The following CYLC1 variants were observed in gnomAD, a reference collection of about 807,000 sequenced individuals.
The protein encoded by CYLC1 is cylicin 1, also known as cylicin-1.
Under a neutral mutation model 31.6 loss-of-function variants are expected in CYLC1, and 2 were observed. The ratio of observed to expected loss-of-function variants is 0.06; its 90% CI spans 0.03 to 0.20. The LOEUF (loss-of-function observed/expected upper bound fraction) is 0.20, where lower values mean the gene tolerates loss of function less well. CYLC1 is among the 10% of genes least tolerant of loss of function. The pLI is 1.00. For synonymous variants in CYLC1, 185 were observed against 153.0 expected (o/e 1.21, Z -1.54); for missense variants, 595 against 424.1 (o/e 1.40, Z -3.54).
In CYLC1 at chrX:83,874,100, G is replaced by T; in HGVS notation, c.1392G>T (p.Gly464=). 1 of 1,202,905 alleles carries T rather than the reference G, an allele frequency of 8.3e-7. No homozygotes were observed. Among genetic ancestry groups the T allele is most frequent in the East Asian group, 3.0e-5 (1 of 33,658 alleles). Reference sequence around the variant, plus strand: ...AGGGTAAAAAGGATGAAAAGAAGGGGAAGAAAGATTCAAAGAAAGATGACA... The same window carrying T: ...AGGGTAAAAAGGATGAAAAGAAGGGTAAGAAAGATTCAAAGAAAGATGACA... The part of the protein sequence containing the change: ...SKKGKKDEKK[G]KKDSKKDDKK... Residue 464 remains glycine (G), a synonymous_variant, in exon 4 of 5, where the codon GGG becomes GGT. Coordinates refer to ENST00000329312, the MANE Select transcript of CYLC1 (RefSeq NM_021118.3).
intron 4 of CYLC1, among the ~76,000 whole-genome samples, chrX:83,883,529 CTTTTG>C (rs2031941044): frequency 9.0e-6 from 1 of 111,680 alleles, no homozygotes; most frequent in Non-Finnish European, 1.9e-5. Context: ...ATTCTAGCAG[CTTTTG>C]TTTTAGTTGT....
In CYLC1 at chrX:83,873,892, A is replaced by G. The variant is rs763265837; in HGVS notation, c.1184A>G (p.Asp395Gly). 6 of 1,196,009 alleles carry G rather than the reference A, an allele frequency of 5.0e-6. No homozygotes were observed. The highest frequency in any genetic ancestry group is 1.8e-5 in the African/African-American group (1 of 56,369). The stretch of plus-strand genomic sequence containing the variant: ...TTGAAGAAAGCTTCAAAGAATGATG[A>G]CAAGAAAAAGGATGCAAAGAAAATT... ...RNLKKASKND[D>G]KKKDAKKITF... is the part of the protein sequence containing the mutation. Residue 395 changes from aspartate (D) to glycine (G), a missense_variant, in exon 4 of 5, where the codon GAC becomes GGC. Transcript: ENST00000329312.
At chrX:83,870,414 G>A (rs978368367) in intron 2 of CYLC1, among the ~76,000 whole-genome samples, 1 of 111,408 alleles carries the variant, frequency 9.0e-6, no homozygotes, top group Non-Finnish European at 1.9e-5. Context: ...GTGATTAAGA[G>A]CATGGGCTCT....
At chrX:83,883,143 G>A (rs1358871350) in intron 4 of CYLC1, among the ~76,000 whole-genome samples, 2 of 110,875 alleles carry the variant, frequency 1.8e-5, no homozygotes, top group Non-Finnish European at 3.8e-5. Flanking sequence ...TTCTTCTCCA[G>A]TTGTCTTCTT....
intron 4 of CYLC1, among the ~76,000 whole-genome samples, chrX:83,875,926 T>C (rs979885254): frequency 2.7e-5 from 3 of 110,214 alleles, no homozygotes; most frequent in Admixed American, 2.0e-4. Context: ...TACAGCTAGT[T>C]CTTGACCCTA....
intron 4 of CYLC1, among the ~76,000 whole-genome samples, chrX:83,882,624 T>A (rs930152999): frequency 1.8e-5 from 2 of 111,042 alleles, no homozygotes; most frequent in Non-Finnish European, 3.8e-5. Context: ...TTTCCATATC[T>A]TCAATTCTTA....
At chrX:83,881,799 C>T (rs952542520) in intron 4 of CYLC1, among the ~76,000 whole-genome samples, 3 of 105,611 alleles carry the variant, frequency 2.8e-5, no homozygotes, top group Admixed American at 1.0e-4. Flanking sequence ...CAGTTTCAAG[C>T]GATTCTCCTG....
intron 4 of CYLC1, among the ~76,000 whole-genome samples, chrX:83,878,431 AT>A: frequency 1.6e-5 from 1 of 61,828 alleles, no homozygotes. Flanking sequence ...AAATATATAT[AT>A]AAATATATAT....
At position 83,868,747 on chromosome X, in the gene CYLC1, A is replaced by G. The variant is rs1362898839; in HGVS notation, c.18-1118A>G. Among the ~76,000 whole-genome samples, 4 of 111,240 alleles carry G rather than the reference A, an allele frequency of 3.6e-5. No homozygotes were observed. The Admixed American group carries it at 3.8e-4, about 11-fold the overall frequency. On this transcript the variant is annotated intron_variant, in intron 1 of 4. Transcript: ENST00000329312. ...TGCTTTCTATTCCACATAATTAGTT[A>G]TGTTTCTTTGTATCTATATTCCATT...
Position 83,872,936 on chromosome X carries a change from G to T in CYLC1, c.228G>T (p.Trp76Cys), listed in dbSNP as rs1317838486. The change falls in exon 4 of 5, where the codon TGG becomes TGT. Residue 76 changes from tryptophan to cysteine, a missense_variant. Transcript: ENST00000329312. ...AAGGCCAGAAACCAGCTCATAAATG[G>T]ATAAGGCATTCTTTCAGAAAAATTT... ...LEEGQKPAHK[W>C]IRHSFRKILQ... 2.1e-5 allele frequency: 25 copies of T among 1,194,446 alleles called. No individual in the cohort carries two copies. The highest frequency in any genetic ancestry group is 2.7e-5 in the Non-Finnish European group (24 of 889,825).
At chrX:83,870,869 G>T (rs1434336714) in intron 2 of CYLC1, among the ~76,000 whole-genome samples, 1 of 110,435 alleles carries the variant, frequency 9.1e-6, no homozygotes, top group African/African-American at 3.3e-5. Flanking sequence ...TATGTATATG[G>T]CCTTCTTTAA....
intron 4 of CYLC1, 105 bp from the exon 5 acceptor site, chrX:83,886,447 T>C (rs757866532): frequency 1.9e-5 from 14 of 741,975 alleles, no homozygotes; most frequent in Non-Finnish European, 2.8e-5. Flanking sequence ...CTTTCAACTA[T>C]GACAGTCTGT....
intron 3 of CYLC1, 130 bp from the exon 4 acceptor site, chrX:83,872,754 CAG>C (rs1556033549): frequency 3.2e-5 from 15 of 475,194 alleles, no homozygotes; most frequent in South Asian, 2.1e-4. Flanking sequence ...CACACACACA[CAG>C]ACACAACCTT....
At chrX:83,885,248 A>G (rs1477049905) in intron 4 of CYLC1, among the ~76,000 whole-genome samples, 1 of 110,490 alleles carries the variant, frequency 9.1e-6, no homozygotes, top group Non-Finnish European at 1.9e-5. Flanking sequence ...TGGGATACAT[A>G]ATGATATAGA....
At chrX:83,861,760 T>C (rs1208541113) in intron 1 of CYLC1, among the ~76,000 whole-genome samples, 1 of 111,669 alleles carries the variant, frequency 9.0e-6, no homozygotes, top group East Asian at 2.8e-4. Flanking sequence ...TAAAAGTCAA[T>C]TTCCTCTTAA....
chrX:83,869,664 A>T (rs1282775823), intron 1 of CYLC1, among the ~76,000 whole-genome samples: 1 of 111,405 alleles, frequency 9.0e-6, no homozygotes, highest in East Asian at 2.8e-4. Flanking sequence ...AGATAAGAGA[A>T]TGAATAAAAT....
intron 3 of CYLC1, 52 bp downstream of exon 3, chrX:83,871,622 TATATAA>T (rs2031666333): frequency 1.4e-5 from 15 of 1,079,222 alleles, no homozygotes; most frequent in African/African-American, 7.5e-5. Flanking sequence ...TGGTAAAGCA[TATATAA>T]ATATAAGTAA....
At chrX:83,863,561 A>C (rs765757392) in intron 1 of CYLC1, among the ~76,000 whole-genome samples, 13 of 111,634 alleles carry the variant, frequency 1.2e-4, no homozygotes, top group Non-Finnish European at 1.9e-4. Context: ...TTAAACCTCT[A>C]ATCATGCCAC....
intron 4 of CYLC1, among the ~76,000 whole-genome samples, chrX:83,886,220 G>A (rs778248830): frequency 6.3e-5 from 7 of 111,135 alleles, no homozygotes; most frequent in Non-Finnish European, 9.5e-5. Flanking sequence ...GGCTAATGGT[G>A]TAACATTGCT....
Sources: gnomAD v4.1 joint callset for allele counts (sites outside exome capture counted in the v4.1 genomes callset) on GRCh38, gnomAD v4.1.1 for gene constraint, MANE v1.5 for transcripts, NCBI Gene and HGNC (gene_info 2026-07-23, HGNC 2026-07-21) for gene names.